GRIA3: variants seen among roughly 807,000 people sequenced by gnomAD.
The protein encoded by GRIA3 is glutamate ionotropic receptor AMPA type subunit 3, also known as glutamate receptor 3.
A neutral mutation model predicts 63.0 loss-of-function variants in GRIA3; 3 were observed. The observed-to-expected ratio is 0.05, with a 90% CI of 0.02 to 0.12. The LOEUF (loss-of-function observed/expected upper bound fraction) is 0.12. GRIA3 is among the 10% of genes least tolerant of loss of function. The pLI is 1.00. For missense variants in GRIA3, 347 were observed against 700.9 expected, an observed-to-expected ratio of 0.50 and a Z score of 5.70; for synonymous variants, 274 against 257.9, an observed-to-expected ratio of 1.06 and a Z score of -0.60.
chrX:123,335,703 G>T (rs1365576175), intron 4 of GRIA3, among the ~76,000 whole-genome samples: 1 of 110,716 alleles, frequency 9.0e-6, no homozygotes, highest in Non-Finnish European at 1.9e-5. Context: ...AGTCAAGTGA[G>T]ATCTCCAATT....
At position 123,428,007 on chromosome X, in the gene GRIA3, T is replaced by A. The variant is rs1434953799; in HGVS notation, c.1944T>A (p.Tyr648Ter). ...WFFTLIIISSYTANLAAFLTV... is the reference protein window; with the variant it reads ...WFFTLIIISS Reference sequence around the variant, plus strand: ...TCACCCTGATCATAATTTCTTCCTATACTGCCAATCTCGCTGCTTTCCTGA... The same window carrying A: ...TCACCCTGATCATAATTTCTTCCTAAACTGCCAATCTCGCTGCTTTCCTGA... The change falls in exon 12 of 16, where the codon TAT (tyrosine) becomes TAA (stop). Residue 648 changes from tyrosine (Y) to a stop codon, truncating the protein, a stop_gained. Coordinates refer to ENST00000620443, the MANE Select transcript of GRIA3 (RefSeq NM_007325.5). LOFTEE classifies it high-confidence loss of function. The A allele has an allele frequency of 8.4e-7, 1 of 1,195,618 alleles. No homozygotes were observed. The highest frequency in any genetic ancestry group is 1.1e-6 in the Non-Finnish European group (1 of 882,563).
At chrX:123,461,604 A>G (rs1277901785) in intron 12 of GRIA3, among the ~76,000 whole-genome samples, 1 of 111,965 alleles carries the variant, frequency 8.9e-6, no homozygotes, top group African/African-American at 3.2e-5. Flanking sequence ...AATATCATAC[A>G]TAAGAGTTTG....
chrX:123,314,389 C>T (rs2044818233), intron 3 of GRIA3, among the ~76,000 whole-genome samples: 2 of 112,294 alleles, frequency 1.8e-5, no homozygotes, highest in Non-Finnish European at 3.8e-5. Context: ...AGATACCAAA[C>T]AGAAACATGA....
intron 12 of GRIA3, among the ~76,000 whole-genome samples, chrX:123,447,324 A>G (rs376042846): frequency 1.8e-5 from 2 of 112,001 alleles, no homozygotes; most frequent in African/African-American, 6.5e-5. Context: ...AAAATAATAC[A>G]TGAGATTTGG....
At chrX:123,394,422 A>G (rs2045402768) in intron 5 of GRIA3, among the ~76,000 whole-genome samples, 1 of 111,432 alleles carries the variant, frequency 9.0e-6, no homozygotes, top group Non-Finnish European at 1.9e-5. Flanking sequence ...AGATTCATTT[A>G]TGGATACATG....
At chrX:123,221,969 G>A (rs1034647129) in intron 2 of GRIA3, among the ~76,000 whole-genome samples, 4 of 111,354 alleles carry the variant, frequency 3.6e-5, no homozygotes, top group South Asian at 3.8e-4. Flanking sequence ...TAACTTAAGC[G>A]CCCCTCACAA....
rs73549550 is a variant in GRIA3, at chrX:123,214,544, C to G, written c.268+28554C>G. On this transcript the variant is annotated intron_variant, in intron 2 of 15. Transcript: ENST00000620443. Reference sequence around the variant, plus strand: ...TCTCACAGTTGAAATCAGTCTAAAGCAGGGAATAGTAGTCTCCATAATAAA... The same window carrying G: ...TCTCACAGTTGAAATCAGTCTAAAGGAGGGAATAGTAGTCTCCATAATAAA... Among the ~76,000 whole-genome samples the G allele has an allele frequency of 6.1e-3, 679 of 111,360 alleles. 6 individuals are homozygous for G. The highest frequency in any genetic ancestry group is 0.021 in the African/African-American group (642 of 30,590).
At chrX:123,290,354 T>G (rs1478717947) in intron 3 of GRIA3, among the ~76,000 whole-genome samples, 1 of 111,949 alleles carries the variant, frequency 8.9e-6, no homozygotes, top group Non-Finnish European at 1.9e-5. Flanking sequence ...TCTTCTGGGC[T>G]AGTCACTATA....
chrX:123,452,364 A>C (rs1057503817), intron 12 of GRIA3, among the ~76,000 whole-genome samples: 2 of 108,551 alleles, frequency 1.8e-5, no homozygotes, highest in African/African-American at 6.7e-5. Context: ...TCCCCCCCCA[A>C]AAAAAAAAAA....
At chrX:123,457,265 A>G (rs2045767180) in intron 12 of GRIA3, among the ~76,000 whole-genome samples, 1 of 111,402 alleles carries the variant, frequency 9.0e-6, no homozygotes, top group South Asian at 3.9e-4. Flanking sequence ...CAGGGGTAAC[A>G]GAAGCCATTA....
chrX:123,394,912 T>C (rs1219979055), intron 5 of GRIA3, 56 bp from the exon 6 acceptor site: 5 of 855,929 alleles, frequency 5.8e-6, no homozygotes, highest in African/African-American at 3.9e-5. Flanking sequence ...CTAACAGATA[T>C]GGTGAGTAAG....
chrX:123,396,033 T>C (rs1006931911), intron 6 of GRIA3, among the ~76,000 whole-genome samples: 1 of 108,788 alleles, frequency 9.2e-6, no homozygotes, highest in African/African-American at 3.3e-5. Flanking sequence ...CCTTCCTCCC[T>C]GGCAAGAATA....
chrX:123,295,117 A>G (rs2044677371), intron 3 of GRIA3, among the ~76,000 whole-genome samples: 1 of 111,649 alleles, frequency 9.0e-6, no homozygotes, highest in South Asian at 3.7e-4. Flanking sequence ...CATAGTCACC[A>G]TAAAAATGCT....
chrX:123,446,563 G>A (rs1470153115), intron 12 of GRIA3, among the ~76,000 whole-genome samples: 1 of 112,485 alleles, frequency 8.9e-6, no homozygotes, highest in Non-Finnish European at 1.9e-5. Context: ...GTCTTTACAT[G>A]TGGTAGTATG....
At chrX:123,218,202 TG>T (rs1928206435) in intron 2 of GRIA3, among the ~76,000 whole-genome samples, 1 of 111,582 alleles carries the variant, frequency 9.0e-6, no homozygotes, top group Non-Finnish European at 1.9e-5. Context: ...GGTGGGACTT[TG>T]GTGGAAGGAA....
At chrX:123,260,453 AAAGAAAGGAAGGAAGAAGAAAG>A (rs2044448576) in intron 3 of GRIA3, among the ~76,000 whole-genome samples, 1 of 11,199 alleles carries the variant, frequency 8.9e-5, no homozygotes, top group Non-Finnish European at 2.3e-4. Flanking sequence ...AGAAAGAAAG[AAAGAAAGGAAGGAAGAAGAAAG>A]GAAAGAAAGA....
intron 12 of GRIA3, among the ~76,000 whole-genome samples, chrX:123,452,726 A>T (rs914914006): frequency 8.9e-6 from 1 of 111,874 alleles, no homozygotes; most frequent in Non-Finnish European, 1.9e-5. Context: ...ATTGCTGGAG[A>T]TGCCGTTTCA....
intron 2 of GRIA3, among the ~76,000 whole-genome samples, chrX:123,188,305 G>T (rs894296947): frequency 9.0e-6 from 1 of 110,864 alleles, no homozygotes; most frequent in East Asian, 2.8e-4. Context: ...GCTGCTGCTT[G>T]GTAGCTTAGT....
chrX:123,363,114 C>T (rs188659207), intron 5 of GRIA3, among the ~76,000 whole-genome samples: 13 of 112,603 alleles, frequency 1.2e-4, no homozygotes, highest in African/African-American at 3.5e-4. Flanking sequence ...TTTACTGAAG[C>T]ATCACCCAGA....
Sources: gnomAD v4.1 joint callset for allele counts (sites outside exome capture counted in the v4.1 genomes callset) on GRCh38, gnomAD v4.1.1 for gene constraint, MANE v1.5 for transcripts, NCBI Gene and HGNC (gene_info 2026-07-23, HGNC 2026-07-21) for gene names.